The following SEPTIN14 variants were observed in gnomAD, a reference collection of about 807,000 sequenced individuals.
SEPTIN14 encodes the protein septin-14.
In SEPTIN14, 40 loss-of-function variants were observed where a neutral mutation model predicts 53.6. The ratio of observed to expected loss-of-function variants is 0.75; its 90% CI spans 0.58 to 0.97. The LOEUF (loss-of-function observed/expected upper bound fraction) is 0.97. Among genes scored for constraint, SEPTIN14 ranks in the 50% least tolerant of loss-of-function variants. The probability of loss-of-function intolerance (pLI) is 0.00; values close to 1 mark genes in which losing one functional copy is unlikely to be tolerated. For synonymous variants in SEPTIN14, 138 were observed against 166.8 expected (o/e 0.83, Z 1.33); for missense variants, 471 against 508.2 (o/e 0.93, Z 0.70).
At chr7:55,842,073 T>C (rs144602741) in intron 5 of SEPTIN14, among the ~76,000 whole-genome samples, 1 of 152,088 alleles carries the variant, frequency 6.6e-6, no homozygotes, top group Non-Finnish European at 1.5e-5. Context: ...ATACTTACCA[T>C]TGTGTTATAA....
intron 9 of SEPTIN14, chr7:55,798,707 G>A (rs968150033): frequency 3.2e-5 from 8 of 251,350 alleles, no homozygotes; most frequent in Admixed American, 2.3e-4. Context: ...CAACTGGACC[G>A]TCAGCCAGAT....
At chr7:55,834,315 C>G (rs995847153) in intron 6 of SEPTIN14, 110 bp downstream of exon 6, 26 of 684,804 alleles carry the variant, frequency 3.8e-5, no homozygotes, top group Non-Finnish European at 6.0e-5. Context: ...TACAAAGAAT[C>G]GATTCTCAGC....
chr7:55,825,804 C>T (rs2116010240), intron 6 of SEPTIN14, among the ~76,000 whole-genome samples: 1 of 150,134 alleles, frequency 6.7e-6, no homozygotes, highest in South Asian at 2.1e-4. Flanking sequence ...CCCACCTCTA[C>T]TAAAAATACA....
At position 55,843,291 on chromosome 7, in the gene SEPTIN14, T is replaced by C. The variant is rs1038066861; in HGVS notation, c.372-163A>G. 6.6e-5 allele frequency among the ~76,000 whole-genome samples: 10 copies of C among 152,270 alleles called. No individual in the cohort carries two copies. In the East Asian group the frequency reaches 1.9e-3, roughly 29 times the overall value. On this transcript the variant is annotated intron_variant, in intron 4 of 9. Transcript: ENST00000388975. ...AAAGATATTAATTCTAAACCAATAA[T>C]AAGGCTCATGCTTTACTCTATGGTT...
At chr7:55,813,351 T>G (rs1288149551) in intron 7 of SEPTIN14, among the ~76,000 whole-genome samples, 1 of 152,152 alleles carries the variant, frequency 6.6e-6, no homozygotes, top group Non-Finnish European at 1.5e-5. Context: ...TTAATTAAAG[T>G]GCCCTGGGGT....
At chr7:55,830,094 C>T (rs1185342069) in intron 6 of SEPTIN14, among the ~76,000 whole-genome samples, 1 of 144,416 alleles carries the variant, frequency 6.9e-6, no homozygotes, top group African/African-American at 2.5e-5. Flanking sequence ...AGGAGAATGG[C>T]GTGAACCCGG....
intron 6 of SEPTIN14, among the ~76,000 whole-genome samples, chr7:55,825,590 G>A (rs1021562748): frequency 1.3e-5 from 2 of 151,894 alleles, no homozygotes; most frequent in Non-Finnish European, 2.9e-5. Context: ...ATCAAGGGAG[G>A]GCATTAAGAT....
intron 6 of SEPTIN14, among the ~76,000 whole-genome samples, chr7:55,822,253 G>A (rs1395870347): frequency 6.6e-6 from 1 of 152,112 alleles, no homozygotes; most frequent in Non-Finnish European, 1.5e-5. Flanking sequence ...AAAAATCAGG[G>A]ACTATCTAAA....
At chr7:55,833,757 TG>T (rs547820260) in intron 6 of SEPTIN14, among the ~76,000 whole-genome samples, 131 of 142,406 alleles carry the variant, frequency 9.2e-4, no homozygotes, top group Non-Finnish European at 1.7e-3. Flanking sequence ...AGAGTTGATT[TG>T]GGGAAAAAAA....
Position 55,834,503 on chromosome 7 carries a change from T to C in SEPTIN14, c.642A>G (p.Glu214=), listed in dbSNP as rs1424432316. ...ATATCTGGATGCCATTGCTAATCAA[T>C]TCACTCATTATCTTATTCTTAAACG... The part of the protein sequence containing the change: ...LQTFKNKIMS[E]LISNGIQIYQ... The change falls in exon 6 of 10, where the codon GAA becomes GAG. Residue 214 remains glutamate (E), a synonymous_variant. Transcript: ENST00000388975. 6.2e-7 allele frequency: 1 copy of C among 1,612,570 alleles called. No individual in the cohort carries two copies. Among genetic ancestry groups the C allele is most frequent in the African/African-American group, 1.3e-5 (1 of 74,928 alleles).
At chr7:55,847,248 A>T (rs1789431007) in intron 2 of SEPTIN14, among the ~76,000 whole-genome samples, 1 of 152,096 alleles carries the variant, frequency 6.6e-6, no homozygotes. Context: ...TTAAGGAAAT[A>T]CTACAAGAAA....
Position 55,808,633 on chromosome 7 carries a change from C to G in SEPTIN14, c.818-1375G>C, listed in dbSNP as rs551690961. Among the ~76,000 whole-genome samples the G allele has an allele frequency of 4.6e-5, 7 of 152,258 alleles. No individual in the cohort carries two copies. In the South Asian group the frequency reaches 1.2e-3, roughly 27 times the overall value. On this transcript the variant is annotated intron_variant, in intron 7 of 9. Coordinates refer to ENST00000388975, the MANE Select transcript of SEPTIN14 (RefSeq NM_207366.3). The stretch of plus-strand genomic sequence containing the variant: ...GCAGTGCGACCTCAGCTCACTGCAA[C>G]CTCCGCCTCCTGGGTTCAAGTGATT...
At chr7:55,853,725 C>G (rs1481687559) in intron 2 of SEPTIN14, among the ~76,000 whole-genome samples, 1 of 152,062 alleles carries the variant, frequency 6.6e-6, no homozygotes, top group Non-Finnish European at 1.5e-5. Flanking sequence ...AGTGGATACT[C>G]CATTTATCCT....
chr7:55,841,720 T>C (rs1436995234), intron 5 of SEPTIN14, among the ~76,000 whole-genome samples: 1 of 152,048 alleles, frequency 6.6e-6, no homozygotes, highest in Non-Finnish European at 1.5e-5. Flanking sequence ...CCAGGCATGG[T>C]GGCACATGCC....
chr7:55,842,866 C>T (rs1429428311), intron 5 of SEPTIN14, 76 bp downstream of exon 5: 31 of 915,880 alleles, frequency 3.4e-5, no homozygotes, highest in Non-Finnish European at 4.9e-5. Flanking sequence ...TGAGATCGCA[C>T]CACTGCACTC....
At chr7:55,827,354 G>C (rs1562712375) in intron 6 of SEPTIN14, among the ~76,000 whole-genome samples, 1 of 152,192 alleles carries the variant, frequency 6.6e-6, no homozygotes, top group Non-Finnish European at 1.5e-5. Context: ...CCCTGAGGTT[G>C]CTCCTGTGAA....
rs555041971 is a variant in SEPTIN14, at chr7:55,817,098, T to C, written c.817+2029A>G. Among the ~76,000 whole-genome samples, 13 of 152,158 alleles carry C rather than the reference T, an allele frequency of 8.5e-5. No individual in the cohort carries two copies. In the South Asian group the frequency reaches 2.5e-3, roughly 29 times the overall value. On this transcript the variant is annotated intron_variant, in intron 7 of 9. Coordinates refer to ENST00000388975, the MANE Select transcript of SEPTIN14 (RefSeq NM_207366.3). ...ACCATTATTCACAAGAACCAAGATA[T>C]GGAAGCAATCTAAGTGTCCATGAAT...
chr7:55,816,798 CA>C (rs981529471), intron 7 of SEPTIN14, among the ~76,000 whole-genome samples: 8 of 148,652 alleles, frequency 5.4e-5, no homozygotes, highest in African/African-American at 1.2e-4. Flanking sequence ...AACTCCATCT[CA>C]AAAAAAAAAT....
intron 6 of SEPTIN14, among the ~76,000 whole-genome samples, chr7:55,830,099 AC>A (rs1461795304): frequency 6.8e-6 from 1 of 147,828 alleles, no homozygotes; most frequent in Admixed American, 6.7e-5. Context: ...AATGGCGTGA[AC>A]CCGGGAGGCG....
Sources: gnomAD v4.1 joint callset for allele counts (sites outside exome capture counted in the v4.1 genomes callset) on GRCh38, gnomAD v4.1.1 for gene constraint, MANE v1.5 for transcripts, NCBI Gene and HGNC (gene_info 2026-07-23, HGNC 2026-07-21) for gene names.